SLC20A2: variants seen among roughly 807,000 people sequenced by gnomAD.
SLC20A2 encodes the protein sodium-dependent phosphate transporter 2.
In SLC20A2, 30 loss-of-function variants were observed where a neutral mutation model predicts 61.0. The ratio of observed to expected loss-of-function variants is 0.49; its 90% CI spans 0.37 to 0.67. The LOEUF (loss-of-function observed/expected upper bound fraction) is 0.67. Ranked by LOEUF, SLC20A2 falls within the 30% of genes least tolerant of loss-of-function variation. The pLI is 0.00. For missense variants in SLC20A2, 626 were observed against 866.4 expected (o/e 0.72, Z 3.48); for synonymous variants, 351 against 353.3 (o/e 0.99, Z 0.07).
intron 1 of SLC20A2, among the ~76,000 whole-genome samples, chr8:42,526,946 A>T (rs954035364): frequency 6.6e-6 from 1 of 151,922 alleles, no homozygotes; most frequent in Non-Finnish European, 1.5e-5. Context: ...TTTACAAAAA[A>T]ATAGAAAAAT....
At chr8:42,454,479 G>C (rs1805981740) in intron 5 of SLC20A2, among the ~76,000 whole-genome samples, 1 of 152,082 alleles carries the variant, frequency 6.6e-6, no homozygotes, top group Admixed American at 6.6e-5. Flanking sequence ...TTATAATCAG[G>C]AATAAGACTT....
At chr8:42,446,154 A>G (rs1431347741) in intron 5 of SLC20A2, among the ~76,000 whole-genome samples, 2 of 152,218 alleles carry the variant, frequency 1.3e-5, no homozygotes, top group Admixed American at 6.5e-5. Flanking sequence ...CTGACCTTCA[A>G]TTCTAACTCT....
chr8:42,452,888 T>C (rs1805858342), intron 5 of SLC20A2, among the ~76,000 whole-genome samples: 1 of 151,968 alleles, frequency 6.6e-6, no homozygotes, highest in Non-Finnish European at 1.5e-5. Context: ...CTTTTGGGAG[T>C]ACCCATTACA....
rs1170751054 is a variant in SLC20A2, at chr8:42,464,092, C to CTTTTTTTTTTTTTTTTTT, written c.431-1020_431-1003dup. On this transcript the variant is annotated intron_variant, in intron 3 of 10. Transcript: ENST00000520262. ...CTTCCCAAAGGGCAGGCTGGATGAT[C>CTTTTTTTTTTTTTTTTTT]TTTTTTTTTTTTTTTTTTTTTTTTT... 9.1e-3 allele frequency among the ~76,000 whole-genome samples: 187 copies of CTTTTTTTTTTTTTTTTTT among 20,550 alleles called. 82 individuals carry two copies. Among genetic ancestry groups the CTTTTTTTTTTTTTTTTTT allele is most frequent in the Non-Finnish European group, 0.016 (157 of 9,978 alleles). 13.5% of individuals were successfully genotyped at this position (20,550 alleles called of 152,430 possible).
At chr8:42,424,259 A>T (rs2130934468) in intron 10 of SLC20A2, among the ~76,000 whole-genome samples, 1 of 152,110 alleles carries the variant, frequency 6.6e-6, no homozygotes, top group South Asian at 2.1e-4. Flanking sequence ...GCTGAAACAT[A>T]ACATCTGAGG....
At chr8:42,532,763 C>G (rs186522968) in intron 1 of SLC20A2, among the ~76,000 whole-genome samples, 12 of 152,104 alleles carry the variant, frequency 7.9e-5, no homozygotes, top group African/African-American at 2.9e-4. Flanking sequence ...CACGGGAGAC[C>G]AAGGCGGTGG....
intron 2 of SLC20A2, among the ~76,000 whole-genome samples, chr8:42,466,180 G>C (rs1251187530): frequency 6.6e-6 from 1 of 152,158 alleles, no homozygotes; most frequent in Non-Finnish European, 1.5e-5. Flanking sequence ...TGTTGCCCAG[G>C]CTGGAGTGCA....
chr8:42,525,028 T>C (rs1483232132), intron 1 of SLC20A2, among the ~76,000 whole-genome samples: 1 of 152,168 alleles, frequency 6.6e-6, no homozygotes, highest in Non-Finnish European at 1.5e-5. Flanking sequence ...TGTTTTTTTC[T>C]GAATTGAGTT....
chr8:42,504,382 G>A (rs1454196427), upstream of SLC20A2, among the ~76,000 whole-genome samples: 1 of 152,204 alleles, frequency 6.6e-6, no homozygotes, highest in Non-Finnish European at 1.5e-5. Context: ...GACTAGACTA[G>A]TAGCAGATGC....
chr8:42,460,265 C>G, intron 4 of SLC20A2: 1 of 288,342 alleles, frequency 3.5e-6, no homozygotes, highest in South Asian at 5.2e-5. Context: ...GAGCTGATGT[C>G]AGACTTGGAA....
chr8:42,497,814 G>T (rs764203182), intron 1 of SLC20A2, among the ~76,000 whole-genome samples: 3 of 151,398 alleles, frequency 2.0e-5, no homozygotes, highest in Non-Finnish European at 4.4e-5. Flanking sequence ...GGTTGGGCAC[G>T]GGGGGAGGGA....
chr8:42,526,314 C>T (rs557685189), intron 1 of SLC20A2, among the ~76,000 whole-genome samples: 1 of 150,916 alleles, frequency 6.6e-6, no homozygotes, highest in Non-Finnish European at 1.5e-5. Flanking sequence ...CAACATTCTA[C>T]AAAATATCTG....
intron 1 of SLC20A2, among the ~76,000 whole-genome samples, chr8:42,527,842 AAATAT>A (rs1812075326): frequency 6.6e-6 from 1 of 152,216 alleles, no homozygotes. Context: ...ATAATGGCCA[AAATAT>A]AATAAATGAA....
At chr8:42,455,251 TATATATAG>T (rs1322595902) in intron 5 of SLC20A2, among the ~76,000 whole-genome samples, 1 of 95,108 alleles carries the variant, frequency 1.1e-5, no homozygotes, top group Non-Finnish European at 2.3e-5. Context: ...AATATATATA[TATATATAG>T]AGAGAGAGAG....
chr8:42,473,969 G>A (rs1807857003), intron 1 of SLC20A2, among the ~76,000 whole-genome samples: 1 of 152,084 alleles, frequency 6.6e-6, no homozygotes, highest in South Asian at 2.1e-4. Flanking sequence ...TCAGGAGTTC[G>A]AGACTAGCCT....
At position 42,474,641 on chromosome 8, in the gene SLC20A2, G is replaced by A. The variant is rs151140244; in HGVS notation, c.-264-1987C>T. Among the ~76,000 whole-genome samples, 32 of 152,124 alleles carry A rather than the reference G, an allele frequency of 2.1e-4. 1 individual carries two copies. Among genetic ancestry groups the A allele is most frequent in the African/African-American group, 4.6e-4 (19 of 41,492 alleles). On this transcript the variant is annotated intron_variant, in intron 1 of 10. Transcript: ENST00000520262. The stretch of plus-strand genomic sequence containing the variant: ...AATTATTGATAAAATCTTGTTTCCC[G>A]GGCTACCTTGCCAATAGGACAAACA...
intron 1 of SLC20A2, among the ~76,000 whole-genome samples, chr8:42,480,220 G>A (rs376157366): frequency 6.6e-5 from 10 of 152,152 alleles, no homozygotes; most frequent in South Asian, 2.1e-4. Context: ...TATGACCTCC[G>A]CTATGTTTAA....
At chr8:42,495,969 C>T (rs912895972) in intron 1 of SLC20A2, among the ~76,000 whole-genome samples, 1 of 152,044 alleles carries the variant, frequency 6.6e-6, no homozygotes, top group Non-Finnish European at 1.5e-5. Context: ...AGGCTGGTCT[C>T]GAACTCCTGA....
At chr8:42,474,461 C>G (rs1428746485) in intron 1 of SLC20A2, among the ~76,000 whole-genome samples, 5 of 152,030 alleles carry the variant, frequency 3.3e-5, no homozygotes, top group African/African-American at 1.2e-4. Context: ...AGATTCAGAT[C>G]CCAAGTGAGA....
Sources: gnomAD v4.1 joint callset for allele counts (sites outside exome capture counted in the v4.1 genomes callset) on GRCh38, gnomAD v4.1.1 for gene constraint, MANE v1.5 for transcripts, NCBI Gene and HGNC (gene_info 2026-07-23, HGNC 2026-07-21) for gene names.